Variants in PCAT7 observed in about 807,000 individuals in gnomAD.
The protein encoded by PCAT7 is prostate cancer associated transcript 7 (non-protein coding).
At chr9:94,561,815 C>T (rs1827109198) in intron 2 of PCAT7, among the ~76,000 whole-genome samples, 2 of 152,150 alleles carry the variant, frequency 1.3e-5, no homozygotes, top group African/African-American at 4.8e-5. Flanking sequence ...AGATTAGGAT[C>T]CAACAGAACT....
chr9:94,556,826 G>A (rs974378729), intron 1 of PCAT7, among the ~76,000 whole-genome samples: 1 of 152,128 alleles, frequency 6.6e-6, no homozygotes, highest in African/African-American at 2.4e-5. Context: ...TTCAGGTCCT[G>A]CATTTAAATC....
chr9:94,572,384 A>G (rs1005239184), intron 2 of PCAT7, among the ~76,000 whole-genome samples: 5 of 152,126 alleles, frequency 3.3e-5, no homozygotes, highest in African/African-American at 4.8e-5. Context: ...TAGTGATTCA[A>G]ACTGGCCCAA....
At chr9:94,558,998 C>T in exon 2 of PCAT7, 1 of 1,614,104 alleles carries the variant, frequency 6.2e-7, no homozygotes, top group East Asian at 2.2e-5. Context: ...CCTCTGGTGA[C>T]CCCAGAATGA....
At chr9:94,558,704 C>T in intron 1 of PCAT7, 3 of 487,838 alleles carry the variant, frequency 6.1e-6, no homozygotes, top group Non-Finnish European at 1.1e-5. Context: ...TGACAGAAGA[C>T]AAGCCAAAGT....
chr9:94,555,999 T>C (rs1428590944), intron 1 of PCAT7, among the ~76,000 whole-genome samples: 21 of 124,038 alleles, frequency 1.7e-4, no homozygotes, highest in Non-Finnish European at 3.5e-4. Flanking sequence ...TTTTGGGGGG[T>C]AGATGGGGAA....
chr9:94,568,727 A>G lies in PCAT7; in HGVS notation n.442-4252A>G, dbSNP rs925164732. 5 of 152,288 alleles carry G rather than the reference A, an allele frequency of 3.3e-5. No individual in the cohort carries two copies. The South Asian group carries it at 1.0e-3, about 32-fold the overall frequency. The allele number at this position is 152,288 out of a possible 1,614,324, so 9.4% of individuals were successfully genotyped here. ...TCAGTGCCAAGGAGACTCAATAACA[A>G]AAACAACTAAACAATCCTTTCCTGC... On this transcript the variant is annotated intron_variant and non_coding_transcript_variant, in intron 2 of 8. Coordinates refer to ENST00000647389, the Ensembl canonical transcript of PCAT7.
chr9:94,557,514 C>A (rs1269720304), intron 1 of PCAT7, among the ~76,000 whole-genome samples: 1 of 152,168 alleles, frequency 6.6e-6, no homozygotes, highest in African/African-American at 2.4e-5. Context: ...AGTTGCCAAG[C>A]CATGCTAGAC....
chr9:94,558,971 G>A, exon 2 of PCAT7: 2 of 1,614,128 alleles, frequency 1.2e-6, no homozygotes, highest in South Asian at 1.1e-5. Flanking sequence ...GCACACAGGT[G>A]AGATATTCCT....
intron 2 of PCAT7, among the ~76,000 whole-genome samples, chr9:94,562,045 C>A (rs984967347): frequency 2.6e-5 from 4 of 152,152 alleles, no homozygotes; most frequent in African/African-American, 9.7e-5. Context: ...GGCGCTGTGA[C>A]TCATACCTGT....
intron 2 of PCAT7, among the ~76,000 whole-genome samples, chr9:94,564,239 CA>C (rs1464624917): frequency 6.6e-6 from 1 of 152,186 alleles, no homozygotes; most frequent in Non-Finnish European, 1.5e-5. Flanking sequence ...AGACGTAAAA[CA>C]ATCCTCAGCA....
chr9:94,564,513 A>G (rs756997531), intron 2 of PCAT7, among the ~76,000 whole-genome samples: 4 of 152,246 alleles, frequency 2.6e-5, no homozygotes, highest in Non-Finnish European at 4.4e-5. Flanking sequence ...TTGCAGGAAC[A>G]TGGGTGGAGC....
intron 2 of PCAT7, chr9:94,563,462 C>T: frequency 6.2e-7 from 1 of 1,612,586 alleles, no homozygotes; most frequent in East Asian, 2.2e-5. Flanking sequence ...CACTGCCATC[C>T]TAGAAGACAG....
At chr9:94,567,251 C>A in intron 2 of PCAT7, 1 of 1,613,878 alleles carries the variant, frequency 6.2e-7, no homozygotes, top group South Asian at 1.1e-5. Context: ...CTGCCACCCA[C>A]CTGGCTTTCT....
intron 1 of PCAT7, chr9:94,558,773 T>C (rs538577903): frequency 9.3e-6 from 6 of 642,580 alleles, no homozygotes; most frequent in Non-Finnish European, 1.6e-5. Context: ...TAGAATCGCC[T>C]GTGGCTTCCA....
intron 2 of PCAT7, among the ~76,000 whole-genome samples, chr9:94,561,477 C>A (rs1827102101): frequency 6.6e-6 from 1 of 151,116 alleles, no homozygotes; most frequent in South Asian, 2.1e-4. Context: ...ATTCTCCTGC[C>A]TCAGCCTCCC....
chr9:94,571,516 T>G, intron 2 of PCAT7: 8 of 1,614,058 alleles, frequency 5.0e-6, no homozygotes, highest in Non-Finnish European at 6.8e-6. Flanking sequence ...CCACCAGGGT[T>G]GCACTACCGT....
At position 94,563,954 on chromosome 9, in the gene PCAT7, A is replaced by C. The variant is rs367670891; in HGVS notation, n.441+4802A>C. ...AGAAGACTTAACTATCCTAAATAAT[A>C]TGCACCTAACACAGGGGCACCCAGA... On this transcript the variant is annotated intron_variant and non_coding_transcript_variant, in intron 2 of 8. Coordinates refer to ENST00000647389, the Ensembl canonical transcript of PCAT7. 4.6e-5 allele frequency among the ~76,000 whole-genome samples: 7 copies of C among 152,334 alleles called. No homozygotes were observed. The East Asian group carries it at 1.2e-3, about 25-fold the overall frequency.
chr9:94,571,968 A>C (rs1827274779), intron 2 of PCAT7, among the ~76,000 whole-genome samples: 1 of 152,140 alleles, frequency 6.6e-6, no homozygotes, highest in Non-Finnish European at 1.5e-5. Context: ...CACTCTGCAC[A>C]CTCAACAGCC....
At chr9:94,567,441 G>A in intron 2 of PCAT7, 1 of 1,574,336 alleles carries the variant, frequency 6.4e-7, no homozygotes, top group Non-Finnish European at 8.6e-7. Flanking sequence ...AGGAAGAAGA[G>A]AGAAGCCAGG....
Sources: allele counts gnomAD v4.1 joint callset (sites outside exome capture counted in the v4.1 genomes callset), GRCh38; gene constraint gnomAD v4.1.1; transcripts MANE v1.5; gene names NCBI Gene and HGNC (gene_info 2026-07-23, HGNC 2026-07-21).